DLGAP2: variants seen among roughly 807,000 people sequenced by gnomAD.
The protein encoded by DLGAP2 is disks large-associated protein 2.
Under a neutral mutation model 100.3 loss-of-function variants are expected in DLGAP2, and 26 were observed. The observed-to-expected ratio is 0.26, with a 90% CI of 0.19 to 0.36. The LOEUF is 0.36. Ranked by LOEUF, DLGAP2 falls within the 10% of genes least tolerant of loss-of-function variation. The pLI, the probability that DLGAP2 is intolerant of heterozygous loss-of-function variation, is 1.00. For missense variants in DLGAP2, 1,858 were observed against 1,453.2 expected, an observed-to-expected ratio of 1.28 and a Z score of -4.53; for synonymous variants, 886 against 630.1, an observed-to-expected ratio of 1.41 and a Z score of -6.08.
rs116522437 is a variant in DLGAP2 at position 1,515,625 on chromosome 8, C to T, written c.172+14194C>T. On this transcript the variant is annotated intron_variant, in intron 4 of 14. Coordinates refer to ENST00000637795, the MANE Select transcript of DLGAP2 (RefSeq NM_001346810.2). The stretch of plus-strand genomic sequence containing the variant: ...ACACACGTGCATGCACACACACATG[C>T]AGACACAAGCACACACACATGCAGA... 4.0e-3 allele frequency among the ~76,000 whole-genome samples: 612 copies of T among 152,328 alleles called. 1 individual carries two copies. Among genetic ancestry groups the T allele is most frequent in the African/African-American group, 0.014 (593 of 41,560 alleles).
chr8:926,349 C>T (rs913098297), intron 2 of DLGAP2, among the ~76,000 whole-genome samples: 2 of 152,196 alleles, frequency 1.3e-5, no homozygotes, highest in Non-Finnish European at 2.9e-5. Flanking sequence ...GTGTTGGCCA[C>T]CCCCCTCACA....
At chr8:1,234,928 C>G (rs564580395) in intron 2 of DLGAP2, among the ~76,000 whole-genome samples, 3 of 152,108 alleles carry the variant, frequency 2.0e-5, no homozygotes, top group African/African-American at 7.2e-5. Context: ...CTCTCGCACA[C>G]AAAGCATTGT....
chr8:1,548,841 G>T lies in DLGAP2; in HGVS notation c.388G>T (p.Gly130Trp). The change falls in exon 5 of 15, where the codon GGG becomes TGG. Residue 130 changes from glycine (G) to tryptophan (W), a missense_variant. Transcript: ENST00000637795. ...GCTGAGCCCCGCCGACAGCTGCCCCGGGGGGCGCCACCGCTGCTCGCCGCG... is the reference window on the plus strand; with the variant it reads ...GCTGAGCCCCGCCGACAGCTGCCCCTGGGGGCGCCACCGCTGCTCGCCGCG... Reference protein sequence around the residue: ...YLLSPADSCPGGRHRCSPRSS... With the variant: ...YLLSPADSCPWGRHRCSPRSS... 1.9e-6 allele frequency: 3 copies of T among 1,578,406 alleles called. No homozygotes were observed. Among genetic ancestry groups the T allele is most frequent in the Non-Finnish European group, 2.6e-6 (3 of 1,165,962 alleles).
chr8:1,322,965 T>A (rs1208276761), intron 3 of DLGAP2, among the ~76,000 whole-genome samples: 1 of 152,204 alleles, frequency 6.6e-6, no homozygotes, highest in Non-Finnish European at 1.5e-5. Flanking sequence ...TTTTTAAAAT[T>A]CACCTTTGTC....
intron 1 of DLGAP2, among the ~76,000 whole-genome samples, chr8:759,095 ATCAATACCCCCGACAG>A (rs1383274907): frequency 7.8e-5 from 6 of 76,990 alleles, no homozygotes; most frequent in African/African-American, 2.4e-4. Flanking sequence ...CCTTCCTGTT[ATCAATACCCCCGACAG>A]CCTTCCCATT....
intron 3 of DLGAP2, among the ~76,000 whole-genome samples, chr8:1,313,381 C>T (rs1016756642): frequency 1.4e-4 from 22 of 152,246 alleles, no homozygotes; most frequent in East Asian, 1.9e-4. Context: ...TGGAGGAATC[C>T]GTGAGTCTTC....
intron 2 of DLGAP2, 134 bp from the exon 3 acceptor site, chr8:1,258,717 G>A (rs1192329234): frequency 3.0e-6 from 2 of 673,472 alleles, no homozygotes. Flanking sequence ...GTTTATGGAA[G>A]GGTCCACTGG....
At chr8:1,639,686 C>T (rs887088394) in intron 8 of DLGAP2, among the ~76,000 whole-genome samples, 1 of 152,234 alleles carries the variant, frequency 6.6e-6, no homozygotes, top group African/African-American at 2.4e-5. Context: ...GGTTAGAAGT[C>T]TAAAGTAGGT....
chr8:869,139 C>T (rs927855370), intron 1 of DLGAP2, among the ~76,000 whole-genome samples: 1 of 152,128 alleles, frequency 6.6e-6, no homozygotes, highest in Non-Finnish European at 1.5e-5. Context: ...CTCTTCTTCC[C>T]CTTTATTTAC....
chr8:1,248,200 A>AGT (rs768310612), intron 2 of DLGAP2, among the ~76,000 whole-genome samples: 4 of 46,344 alleles, frequency 8.6e-5, no homozygotes, highest in Admixed American at 2.9e-4. Flanking sequence ...CTTTGAGATC[A>AGT]GTGTGGAGTG....
intron 8 of DLGAP2, among the ~76,000 whole-genome samples, chr8:1,661,719 G>C (rs1563047743): frequency 6.6e-6 from 1 of 152,150 alleles, no homozygotes; most frequent in Non-Finnish European, 1.5e-5. Context: ...ATGCTATCTG[G>C]GAGGCCTGAT....
At chr8:1,076,226 C>T (rs1245982331) in intron 2 of DLGAP2, among the ~76,000 whole-genome samples, 1 of 152,220 alleles carries the variant, frequency 6.6e-6, no homozygotes, top group Non-Finnish European at 1.5e-5. Context: ...TGCCACCCGC[C>T]TTCCTGCCTG....
intron 3 of DLGAP2, among the ~76,000 whole-genome samples, chr8:1,421,205 T>A (rs535095068): frequency 1.3e-5 from 2 of 152,246 alleles, no homozygotes; most frequent in Non-Finnish European, 2.9e-5. Flanking sequence ...AGCTCTAACA[T>A]CTGAGTGTTT....
chr8:1,202,201 T>C (rs1405169714), intron 2 of DLGAP2, among the ~76,000 whole-genome samples: 1 of 151,972 alleles, frequency 6.6e-6, no homozygotes, highest in African/African-American at 2.4e-5. Context: ...GATGTATCTG[T>C]TGGTGTATGT....
At position 1,384,934 on chromosome 8, in the gene DLGAP2, C is replaced by G. The variant is rs1415977467; in HGVS notation, c.107-116432C>G. 2.7e-5 allele frequency among the ~76,000 whole-genome samples: 2 copies of G among 75,232 alleles called. 1 individual carries two copies. Among genetic ancestry groups the G allele is most frequent in the Non-Finnish European group, 5.3e-5 (2 of 37,628 alleles). The allele number at this position is 75,232 out of a possible 152,430, so 49.4% of individuals were successfully genotyped here. On this transcript the variant is annotated intron_variant, in intron 3 of 14. Transcript: ENST00000637795. ...CACAGTTACCCCGGCCTATGCCCGT[C>G]CCCTGAGAACTTGGTGCAGTTACCC...
At chr8:1,334,612 G>A (rs1340714843) in intron 3 of DLGAP2, among the ~76,000 whole-genome samples, 1 of 152,092 alleles carries the variant, frequency 6.6e-6, no homozygotes, top group Non-Finnish European at 1.5e-5. Context: ...GTGGAGACAT[G>A]CACCCACCGT....
chr8:1,096,815 T>C (rs1804388333), intron 2 of DLGAP2, among the ~76,000 whole-genome samples: 1 of 140,592 alleles, frequency 7.1e-6, no homozygotes, highest in Admixed American at 7.0e-5. Context: ...GAGACCCAGC[T>C]CCCTGCGCTC....
intron 2 of DLGAP2, among the ~76,000 whole-genome samples, chr8:1,118,131 G>A (rs1203229293): frequency 2.0e-5 from 3 of 152,136 alleles, no homozygotes; most frequent in African/African-American, 4.8e-5. Context: ...GGGCGGAGTG[G>A]GGAAATTAAC....
At chr8:1,349,731 C>T (rs756499000) in intron 3 of DLGAP2, among the ~76,000 whole-genome samples, 1 of 152,140 alleles carries the variant, frequency 6.6e-6, no homozygotes, top group Non-Finnish European at 1.5e-5. Flanking sequence ...CCCACATCCA[C>T]ACACAGGTAG....
Sources: gnomAD v4.1 joint callset for allele counts (sites outside exome capture counted in the v4.1 genomes callset) on GRCh38, gnomAD v4.1.1 for gene constraint, MANE v1.5 for transcripts, NCBI Gene and HGNC (gene_info 2026-07-23, HGNC 2026-07-21) for gene names.